Variants in ANKAR observed in about 807,000 individuals in gnomAD.
ANKAR encodes ankyrin and armadillo repeat containing.
Under a neutral mutation model 146.2 loss-of-function variants are expected in ANKAR, and 136 were observed. The observed-to-expected ratio is 0.93, with a 90% CI of 0.81 to 1.07. The LOEUF is 1.07. ANKAR is among the 50% of genes least tolerant of loss of function. The pLI is 0.00. For missense variants in ANKAR, 1,567 were observed against 1,679.9 expected (o/e 0.93, Z 1.18); for synonymous variants, 500 against 575.8 (o/e 0.87, Z 1.88).
chr2:189,707,452 CAAAAAAA>C (rs67227035), intron 9 of ANKAR, among the ~76,000 whole-genome samples: 3 of 72,928 alleles, frequency 4.1e-5, no homozygotes, highest in African/African-American at 1.1e-4. Context: ...TCTCCTTCAT[CAAAAAAA>C]AAAAAAAAAA....
At chr2:189,702,143 T>C (rs191086989) in intron 7 of ANKAR, among the ~76,000 whole-genome samples, 5 of 152,224 alleles carry the variant, frequency 3.3e-5, no homozygotes, top group Non-Finnish European at 5.9e-5. Context: ...CCCCAGCAGG[T>C]TAGGGTCTGA....
downstream of ANKAR, chr2:189,750,467 AT>A (rs2044998697): frequency 8.5e-6 from 5 of 588,898 alleles, no homozygotes; most frequent in Admixed American, 7.2e-5. Flanking sequence ...AAAAAATAAA[AT>A]CTTGATGAAT....
chr2:189,700,043 T>C (rs1436619471), intron 7 of ANKAR, among the ~76,000 whole-genome samples: 1 of 152,114 alleles, frequency 6.6e-6, no homozygotes, highest in Non-Finnish European at 1.5e-5. Context: ...CCTTCATTTT[T>C]TTTTTTTTAT....
intron 1 of ANKAR, among the ~76,000 whole-genome samples, 187 bp downstream of exon 1, chr2:189,675,017 AG>A (rs201811021): frequency 0.038 from 5,732 of 152,246 alleles, 157 homozygotes; most frequent in African/African-American, 0.067. Flanking sequence ...GGGCATAACA[AG>A]GTCTGACTCA....
chr2:189,722,328 G>A (rs1435779845), intron 12 of ANKAR, among the ~76,000 whole-genome samples: 1 of 80,408 alleles, frequency 1.2e-5, no homozygotes, highest in Non-Finnish European at 2.2e-5. Flanking sequence ...AACAGAGCGA[G>A]ACTCCATCTC....
chr2:189,728,078 A>G lies in ANKAR; in HGVS notation c.2858A>G (p.Tyr953Cys), dbSNP rs1471645139. The change falls in exon 13 of 23, where the codon TAT (tyrosine) becomes TGT (cysteine). Residue 953 changes from tyrosine (Y) to cysteine (C), a missense_variant. Coordinates refer to ENST00000684021, the MANE Select transcript of ANKAR (RefSeq NM_001378068.1). ...TTTCTGGAAAAATCGTTAACTAAAT[A>G]TCTTTTAAAACTCCTAAAGGTAGGA... ...KAFLEKSLTK[Y>C]LLKLLKAFQI... The G allele has an allele frequency of 6.2e-7, 1 of 1,612,232 alleles. No homozygotes were observed. The highest frequency in any genetic ancestry group is 2.2e-5 in the East Asian group (1 of 44,860).
At chr2:189,734,401 T>C (rs535011857) in intron 17 of ANKAR, among the ~76,000 whole-genome samples, 1 of 152,370 alleles carries the variant, frequency 6.6e-6, no homozygotes, top group South Asian at 2.1e-4. Context: ...TATTCAACTA[T>C]AAAGAAGATT....
At chr2:189,729,335 T>C (rs1431498082) in intron 15 of ANKAR, among the ~76,000 whole-genome samples, 2 of 152,196 alleles carry the variant, frequency 1.3e-5, no homozygotes, top group Non-Finnish European at 2.9e-5. Flanking sequence ...CTGACCTTGA[T>C]GAATGCAGGG....
intron 3 of ANKAR, among the ~76,000 whole-genome samples, chr2:189,691,110 C>T (rs1407853516): frequency 1.3e-5 from 2 of 152,188 alleles, no homozygotes; most frequent in Non-Finnish European, 2.9e-5. Context: ...GGCTGGAGTG[C>T]AGTGGCACGA....
At chr2:189,712,333 C>T (rs984970891) in intron 10 of ANKAR, among the ~76,000 whole-genome samples, 3 of 152,220 alleles carry the variant, frequency 2.0e-5, no homozygotes, top group African/African-American at 7.2e-5. Flanking sequence ...AACTGGGAGA[C>T]ACCTCCCAGT....
In ANKAR at chr2:189,752,819, T is replaced by C. The variant is rs75378725; in HGVS notation, c.*584+8031T>C. The C allele has an allele frequency of 3.1e-3, 5,024 of 1,613,536 alleles. 123 individuals carry two copies. In the African/African-American group the frequency reaches 0.059, roughly 19 times the overall value. The stretch of plus-strand genomic sequence containing the variant: ...ATGGCAATTAATATTTACATAGTTA[T>C]GAGTGAAGCACGTATATCCTGTGGC... On this transcript the variant is annotated intron_variant and NMD_transcript_variant, in intron 18 of 18. Transcript: ENST00000441800.
At chr2:189,727,801 T>C (rs1434909593) in intron 12 of ANKAR, 55 bp from the exon 13 acceptor site, 1 of 1,579,458 alleles carries the variant, frequency 6.3e-7, no homozygotes, top group Admixed American at 1.8e-5. Context: ...TGCTGCACTT[T>C]GATATTCTTA....
chr2:189,742,833 G>GAC (rs371664229), intron 20 of ANKAR, among the ~76,000 whole-genome samples: 1,354 of 53,312 alleles, frequency 0.025, 51 homozygotes, highest in African/African-American at 0.047. Context: ...AGAATTACCT[G>GAC]ACACACACAC....
chr2:189,723,971 C>G (rs1396909594), intron 12 of ANKAR, among the ~76,000 whole-genome samples: 1 of 152,132 alleles, frequency 6.6e-6, no homozygotes, highest in Non-Finnish European at 1.5e-5. Context: ...AAGATCAAAA[C>G]TTCAGCATTA....
intron 18 of ANKAR, among the ~76,000 whole-genome samples, chr2:189,758,403 A>C (rs1234115495): frequency 7.2e-5 from 11 of 151,736 alleles, no homozygotes; most frequent in African/African-American, 2.2e-4. Flanking sequence ...AAAAGTGTGT[A>C]GCACCTCACC....
downstream of ANKAR, among the ~76,000 whole-genome samples, chr2:189,747,783 T>A (rs1362815802): frequency 6.6e-6 from 1 of 152,164 alleles, no homozygotes; most frequent in Non-Finnish European, 1.5e-5. Context: ...CCTCCTGGGT[T>A]CAGGCAATTC....
chr2:189,715,571 C>T (rs1055703056), intron 10 of ANKAR, among the ~76,000 whole-genome samples: 2 of 152,208 alleles, frequency 1.3e-5, no homozygotes, highest in Admixed American at 1.3e-4. Context: ...AAGAGGGAAT[C>T]CTTCCTAACT....
chr2:189,692,254 G>A lies in ANKAR; in HGVS notation c.1040-1G>A. On this transcript the variant is annotated splice_acceptor_variant, in intron 3 of 22. Transcript: ENST00000684021. LOFTEE classifies it high-confidence loss of function. ...ATAAAAATTTGTTTTCATTTTTGGA[G>A]ATGACAAGGTCAAGACAGAGCGAGA... 6.3e-7 allele frequency: 1 copy of A among 1,584,852 alleles called. No homozygotes were observed.
At chr2:189,718,376 A>G (rs938024014) in intron 10 of ANKAR, among the ~76,000 whole-genome samples, 26 of 150,728 alleles carry the variant, frequency 1.7e-4, no homozygotes, top group East Asian at 3.9e-4. Context: ...ACACACACAC[A>G]CACACACACA....
Sources: gnomAD v4.1 joint callset for allele counts (sites outside exome capture counted in the v4.1 genomes callset) on GRCh38, gnomAD v4.1.1 for gene constraint, MANE v1.5 for transcripts, NCBI Gene and HGNC (gene_info 2026-07-23, HGNC 2026-07-21) for gene names.